Variants in ROBO1 observed in about 807,000 individuals in gnomAD.
ROBO1 encodes the protein roundabout homolog 1.
Under a neutral mutation model 195.9 loss-of-function variants are expected in ROBO1, and 149 were observed. The ratio of observed to expected loss-of-function variants is 0.76; its 90% CI spans 0.67 to 0.87. The LOEUF (loss-of-function observed/expected upper bound fraction) is 0.87. Ranked by LOEUF, ROBO1 falls within the 40% of genes least tolerant of loss-of-function variation. The probability of loss-of-function intolerance (pLI) is 0.00; values close to 1 mark genes in which losing one functional copy is unlikely to be tolerated. For synonymous variants in ROBO1, 816 were observed against 733.2 expected (o/e 1.11, Z -1.82); for missense variants, 1,933 against 2,068.3 (o/e 0.93, Z 1.27).
intron 5 of ROBO1, among the ~76,000 whole-genome samples, chr3:78,726,754 C>T (rs540543506): frequency 6.6e-6 from 1 of 152,164 alleles, no homozygotes; most frequent in South Asian, 2.1e-4. Flanking sequence ...CAGTCATAGC[C>T]CCCAGACATT....
intron 3 of ROBO1, among the ~76,000 whole-genome samples, chr3:79,077,224 C>T (rs561119159): frequency 6.6e-6 from 1 of 152,024 alleles, no homozygotes; most frequent in East Asian, 1.9e-4. Flanking sequence ...CCCTGACAAC[C>T]ACTGTTCTAC....
At chr3:78,803,522 G>A (rs2084432902) in intron 4 of ROBO1, among the ~76,000 whole-genome samples, 1 of 152,020 alleles carries the variant, frequency 6.6e-6, no homozygotes, top group African/African-American at 2.4e-5. Flanking sequence ...AAAATAAAGT[G>A]GCCTAGTTTA....
intron 2 of ROBO1, among the ~76,000 whole-genome samples, chr3:79,548,211 C>T (rs1343288375): frequency 1.3e-5 from 2 of 152,172 alleles, no homozygotes; most frequent in African/African-American, 4.8e-5. Flanking sequence ...TCCTGACCCT[C>T]GCTGTGCAAG....
intron 4 of ROBO1, among the ~76,000 whole-genome samples, chr3:78,832,832 A>C (rs1049253063): frequency 5.3e-5 from 8 of 152,134 alleles, no homozygotes; most frequent in Non-Finnish European, 8.8e-5. Context: ...AGGTGAGAGG[A>C]GGCACTCTTG....
At chr3:79,261,020 G>T (rs2082929235) in intron 2 of ROBO1, among the ~76,000 whole-genome samples, 1 of 152,022 alleles carries the variant, frequency 6.6e-6, no homozygotes, top group South Asian at 2.1e-4. Context: ...ATCCACTGAA[G>T]TTACCATTTT....
intron 2 of ROBO1, among the ~76,000 whole-genome samples, chr3:79,395,321 C>CA (rs71631647): frequency 0.022 from 1,109 of 49,892 alleles, 24 homozygotes; most frequent in African/African-American, 0.049. Context: ...GACTCCGTCT[C>CA]AAAAAAAAAA....
At chr3:79,238,577 T>C (rs1393575507) in intron 2 of ROBO1, among the ~76,000 whole-genome samples, 2 of 152,226 alleles carry the variant, frequency 1.3e-5, no homozygotes, top group African/African-American at 2.4e-5. Context: ...AAAGTGGAGA[T>C]AGTAATAGTT....
At chr3:78,999,091 A>T (rs1482296004) in intron 3 of ROBO1, among the ~76,000 whole-genome samples, 1 of 152,110 alleles carries the variant, frequency 6.6e-6, no homozygotes, top group Non-Finnish European at 1.5e-5. Context: ...TGTGGAGAAA[A>T]GGGAACACTT....
At chr3:79,357,602 C>T (rs1390350837) in intron 2 of ROBO1, among the ~76,000 whole-genome samples, 1 of 152,048 alleles carries the variant, frequency 6.6e-6, no homozygotes, top group Non-Finnish European at 1.5e-5. Context: ...AGAGAGGGTA[C>T]ATATACATGT....
intron 4 of ROBO1, among the ~76,000 whole-genome samples, chr3:78,754,373 T>C (rs1345564774): frequency 1.3e-5 from 2 of 152,168 alleles, no homozygotes; most frequent in African/African-American, 4.8e-5. Context: ...TGAGGATATC[T>C]GAGCTACGGG....
In ROBO1 at chr3:78,659,660, A is replaced by AGT. The variant is rs1559707691; in HGVS notation, c.2442+25_2442+26insAC. The AGT allele has an allele frequency of 2.2e-6, 3 of 1,346,390 alleles. No homozygotes were observed. The African/African-American group carries it at 4.5e-5, about 20-fold the overall frequency. 83.4% of individuals were successfully genotyped at this position (1,346,390 alleles called of 1,614,324 possible). A position where few individuals can be genotyped will look rare whatever the true frequency, so the allele number is the denominator to read the frequency against. ...GGTGGGGGCTGCCCATCAGGACATT[A>AGT]ATATATATATATATTATACTCATAC... On this transcript the variant is annotated intron_variant, in intron 17 of 30. Transcript: ENST00000464233.
intron 1 of ROBO1, among the ~76,000 whole-genome samples, chr3:79,753,468 A>T (rs1704229912): frequency 6.6e-6 from 1 of 152,214 alleles, no homozygotes; most frequent in South Asian, 2.1e-4. Flanking sequence ...CTTATCTGCA[A>T]ATCAGTGATG....
At chr3:79,291,465 C>A (rs1266581930) in intron 2 of ROBO1, among the ~76,000 whole-genome samples, 1 of 152,126 alleles carries the variant, frequency 6.6e-6, no homozygotes, top group Non-Finnish European at 1.5e-5. Flanking sequence ...TAAGCCCATA[C>A]CTTTTATTAT....
Position 79,519,176 on chromosome 3 carries a change from C to A in ROBO1, c.88+70648G>T, listed in dbSNP as rs578098466. Among the ~76,000 whole-genome samples the A allele has an allele frequency of 5.9e-5, 9 of 152,112 alleles. No individual in the cohort carries two copies. The East Asian group carries it at 1.5e-3, about 26-fold the overall frequency. On this transcript the variant is annotated intron_variant, in intron 2 of 30. Transcript: ENST00000464233. ...CTCCAAGAGCAAGAAGCATGCTATT[C>A]TTGTGGTAGAGGGAAGAGATGATAA...
chr3:79,309,784 T>G (rs2033397733), intron 2 of ROBO1, among the ~76,000 whole-genome samples: 1 of 152,184 alleles, frequency 6.6e-6, no homozygotes, highest in Admixed American at 6.5e-5. Context: ...CATACCACTT[T>G]CAAATTCTGA....
chr3:78,770,720 G>C (rs2083351426), intron 4 of ROBO1, among the ~76,000 whole-genome samples: 1 of 152,110 alleles, frequency 6.6e-6, no homozygotes, highest in Admixed American at 6.6e-5. Context: ...ATCCAGAATA[G>C]TGTATCCTAG....
intron 2 of ROBO1, among the ~76,000 whole-genome samples, chr3:79,386,048 C>T (rs574653228): frequency 1.3e-5 from 2 of 151,938 alleles, no homozygotes; most frequent in Non-Finnish European, 2.9e-5. Context: ...TATTAGTCCT[C>T]AATATAGTAA....
At chr3:79,319,681 T>C (rs1410146814) in intron 2 of ROBO1, among the ~76,000 whole-genome samples, 1 of 152,124 alleles carries the variant, frequency 6.6e-6, no homozygotes, top group East Asian at 1.9e-4. Context: ...ATATTAAAAA[T>C]GACTTAAATG....
At chr3:79,725,611 G>A (rs1351608195) in intron 1 of ROBO1, among the ~76,000 whole-genome samples, 1 of 152,118 alleles carries the variant, frequency 6.6e-6, no homozygotes, top group Non-Finnish European at 1.5e-5. Flanking sequence ...AGAGAAAGAT[G>A]AATGCAATAC....
Sources: allele counts gnomAD v4.1 joint callset (sites outside exome capture counted in the v4.1 genomes callset), GRCh38; gene constraint gnomAD v4.1.1; transcripts MANE v1.5; gene names NCBI Gene and HGNC (gene_info 2026-07-23, HGNC 2026-07-21).